Variants in ERCC2 observed in about 807,000 individuals in gnomAD.
ERCC2 encodes the protein general transcription and DNA repair factor IIH helicase subunit XPD.
ERCC2 carries 90 observed loss-of-function variants against 99.4 expected under a neutral mutation model. The observed-to-expected ratio is 0.91, with a 90% CI of 0.76 to 1.08. The LOEUF (loss-of-function observed/expected upper bound fraction) is 1.08. ERCC2 is among the 50% of genes least tolerant of loss of function. The pLI, the probability that ERCC2 is intolerant of heterozygous loss-of-function variation, is 0.00. For synonymous variants in ERCC2, 497 were observed against 432.4 expected, an observed-to-expected ratio of 1.15 and a Z score of -1.85; for missense variants, 993 against 1,038.1, an observed-to-expected ratio of 0.96 and a Z score of 0.60.
intron 15 of ERCC2, among the ~76,000 whole-genome samples, chr19:45,356,493 C>CTAA (rs1176459791): frequency 6.6e-6 from 1 of 152,182 alleles, no homozygotes; most frequent in Non-Finnish European, 1.5e-5. Context: ...GGCCTTGTCT[C>CTAA]TAAAGGCTGG....
Position 45,352,804 on chromosome 19 carries a change from C to T in ERCC2, c.1844G>A (p.Gly615Glu). ...SEGIDFVHHY[G>E]RAVIMFGVPY... is the part of the protein sequence containing the mutation. ...GACGCCAAACATGATGACGGCCCGC[C>T]CGTAGTGGTGCACTGGTGGGCAGAG... Residue 615 changes from glycine (G) to glutamate (E), a missense_variant, in exon 20 of 23, where the codon GGG (glycine) becomes GAG (glutamate). Gly to Glu is a moderately conservative substitution (Grantham distance 98). Transcript: ENST00000391945. 6.2e-7 allele frequency: 1 copy of T among 1,613,610 alleles called. No individual in the cohort carries two copies. Among genetic ancestry groups the T allele is most frequent in the South Asian group, 1.1e-5 (1 of 91,074 alleles).
rs140107928 is a variant in ERCC2, at chr19:45,368,803, C to T, written c.247-60G>A. On this transcript the variant is annotated intron_variant, in intron 4 of 22. Transcript: ENST00000391945. ...CTCATTGGAGGCACAAACCCCTGCC[C>T]TGCCAGGTCCCAGTCTCTTCCCCAG... 4 of 1,553,148 alleles carry T rather than the reference C, an allele frequency of 2.6e-6. No individual in the cohort carries two copies. The African/African-American group carries it at 4.1e-5, about 16-fold the overall frequency.
chr19:45,359,467 C>G (rs750006309), intron 12 of ERCC2, among the ~76,000 whole-genome samples: 6 of 152,150 alleles, frequency 3.9e-5, no homozygotes, highest in Admixed American at 6.5e-5. Context: ...GGAGAAACCC[C>G]CAGGAGGCAG....
At chr19:45,352,180 G>C (rs1338191481) in intron 22 of ERCC2, 29 bp downstream of exon 22, 6 of 1,611,806 alleles carry the variant, frequency 3.7e-6, no homozygotes, top group Non-Finnish European at 4.2e-6. Flanking sequence ...CAGCCTGGGA[G>C]GGTGCCGGGA....
In ERCC2 at chr19:45,352,444, C is replaced by A. The variant is rs1437389162; in HGVS notation, c.2046+62G>T. On this transcript the variant is annotated intron_variant, in intron 21 of 22. Coordinates refer to ENST00000391945, the MANE Select transcript of ERCC2 (RefSeq NM_000400.4). ...CAACCCACCCCACCTGGGAAATGAA[C>A]GGGAAACAGCCTGGTTCTTGGAGCC... The A allele has an allele frequency of 1.9e-6, 3 of 1,613,776 alleles. No homozygotes were observed. The African/African-American group carries it at 4.0e-5, about 22-fold the overall frequency.
chr19:45,352,391 C>G (rs188548445), intron 21 of ERCC2, 39 bp from the exon 22 acceptor site: 9 of 1,613,586 alleles, frequency 5.6e-6, no homozygotes, highest in East Asian at 4.5e-5. Flanking sequence ...GAAGGTCATT[C>G]GGGGAGCCTG....
At chr19:45,367,109 C>T (rs1043643867) in intron 5 of ERCC2, among the ~76,000 whole-genome samples, 2 of 152,056 alleles carry the variant, frequency 1.3e-5, no homozygotes, top group South Asian at 2.1e-4. Flanking sequence ...GAGGCTGAGG[C>T]GGGAGGATCA....
chr19:45,358,731 C>T lies in ERCC2; in HGVS notation c.1238-1032G>A, dbSNP rs775407565. The T allele has an allele frequency of 2.0e-4, 145 of 713,544 alleles. 1 individual carries two copies. The highest frequency in any genetic ancestry group is 8.4e-4 in the Middle Eastern group (3 of 3,584). 44.2% of individuals were successfully genotyped at this position (713,544 alleles called of 1,614,324 possible). A position where few individuals can be genotyped will look rare whatever the true frequency, so the allele number is the denominator to read the frequency against. ...AGGCCCTCCCCAGCCACCTTTTCTACGCAGACATATTCCAACACAACAATG... is the reference window on the plus strand; with the variant it reads ...AGGCCCTCCCCAGCCACCTTTTCTATGCAGACATATTCCAACACAACAATG... On this transcript the variant is annotated intron_variant, in intron 12 of 22. Coordinates refer to ENST00000391945, the MANE Select transcript of ERCC2 (RefSeq NM_000400.4).
intron 4 of ERCC2, 45 bp downstream of exon 4, chr19:45,368,885 C>T: frequency 6.2e-7 from 1 of 1,607,690 alleles, no homozygotes; most frequent in Non-Finnish European, 8.5e-7. Context: ...CCAATAGGGC[C>T]TAGGGAACAG....
intron 19 of ERCC2, 72 bp from the exon 20 acceptor site, chr19:45,352,888 C>A: frequency 1.4e-6 from 2 of 1,438,360 alleles, no homozygotes; most frequent in Non-Finnish European, 1.9e-6. Context: ...CCTCACGCGA[C>A]CCAGGATGCT....
intron 17 of ERCC2, among the ~76,000 whole-genome samples, chr19:45,353,625 G>A (rs1388904503): frequency 6.6e-6 from 1 of 152,204 alleles, no homozygotes; most frequent in African/African-American, 2.4e-5. Flanking sequence ...CTGTGAGGCA[G>A]GCAGAGCCAA....
Position 45,351,205 on chromosome 19 carries a change from C to A in ERCC2, c.*424G>T. 6.3e-7 allele frequency: 1 copy of A among 1,586,064 alleles called. No individual in the cohort carries two copies. Among genetic ancestry groups the A allele is most frequent in the Non-Finnish European group, 8.6e-7 (1 of 1,165,366 alleles). The stretch of plus-strand genomic sequence containing the variant: ...GCGAGGGGGTTGGATAGTTGGCTGC[C>A]AGGCTGGACCTGGAGCTGGAGGGTG... On this transcript the variant is annotated 3_prime_UTR_variant, in exon 23 of 23. Coordinates refer to ENST00000391945, the MANE Select transcript of ERCC2 (RefSeq NM_000400.4).
chr19:45,370,441 T>TC, intron 1 of ERCC2, 95 bp downstream of exon 1: 2 of 491,002 alleles, frequency 4.1e-6, no homozygotes, highest in Admixed American at 1.2e-4. Context: ...CACCCTCCCC[T>TC]CGCCCCCTTG....
Position 45,363,765 on chromosome 19 carries a change from A to T in ERCC2, c.1096T>A (p.Cys366Ser). 6.5e-7 allele frequency: 1 copy of T among 1,536,384 alleles called. No individual in the cohort carries two copies. Among genetic ancestry groups the T allele is most frequent in the Non-Finnish European group, 8.7e-7 (1 of 1,147,664 alleles). Reference sequence around the variant, plus strand: ...CACCTGAGGGGCTTGCGCTGGATGCACACGCGCTGGGCCAGGCCGCTCAGG... The same window carrying T: ...CACCTGAGGGGCTTGCGCTGGATGCTCACGCGCTGGGCCAGGCCGCTCAGG... ...AFLSGLAQRV[C>S]IQRKPLRFCA... Residue 366 changes from cysteine to serine, a missense_variant, in exon 11 of 23, where the codon TGC becomes AGC. This residue lies in a region of ERCC2 where 909 missense variants were observed against 930.8 expected (regional missense o/e 0.98). Coordinates refer to ENST00000391945, the MANE Select transcript of ERCC2 (RefSeq NM_000400.4).
rs1289874405 is a variant in ERCC2, at chr19:45,350,252, G to A, written c.*1377C>T. The A allele has an allele frequency of 1.1e-5, 10 of 941,980 alleles. No homozygotes were observed. Among genetic ancestry groups the A allele is most frequent in the East Asian group, 1.0e-4 (4 of 39,924 alleles). The allele number at this position is 941,980 out of a possible 1,614,324, so 58.4% of individuals were successfully genotyped here. Reference sequence around the variant, plus strand: ...GCCTGGGCAACATACCAAGACCCCTGTCTCTACAAAAAAAAAAAAAAAGGC... The same window carrying A: ...GCCTGGGCAACATACCAAGACCCCTATCTCTACAAAAAAAAAAAAAAAGGC... On this transcript the variant is annotated 3_prime_UTR_variant, in exon 23 of 23. Transcript: ENST00000391945.
At chr19:45,352,971 G>T in intron 19 of ERCC2, 112 bp downstream of exon 19, 1 of 1,283,662 alleles carries the variant, frequency 7.8e-7, no homozygotes, top group Non-Finnish European at 1.1e-6. Flanking sequence ...GGGCCCCTCT[G>T]TGCACCTAGG....
Position 45,350,319 on chromosome 19 carries a change from C to T in ERCC2, c.*1310G>A, listed in dbSNP as rs376197962. On this transcript the variant is annotated 3_prime_UTR_variant, in exon 23 of 23. Transcript: ENST00000391945. ...TTGGGAACTGGGGTCCGAAAAGTTC[C>T]CAGACACTCCCTTCTCCGCAGGCCT... is the stretch of plus-strand genomic sequence containing the variant. 517 of 1,609,240 alleles carry T rather than the reference C, an allele frequency of 3.2e-4. 3 individuals are homozygous for T. The African/African-American group carries it at 6.4e-3, about 20-fold the overall frequency.
chr19:45,356,212 C>G (rs752530573), intron 15 of ERCC2, among the ~76,000 whole-genome samples: 1 of 152,316 alleles, frequency 6.6e-6, no homozygotes, highest in Middle Eastern at 3.4e-3. Context: ...TCCCACCAGC[C>G]GGCAACCTCA....
rs1971636815 is a variant in ERCC2, at chr19:45,349,931, G to A, written c.*1698C>T. The A allele has an allele frequency of 2.4e-6, 1 of 421,018 alleles. No homozygotes were observed. The highest frequency in any genetic ancestry group is 4.3e-6 in the Non-Finnish European group (1 of 234,266). 26.1% of individuals were successfully genotyped at this position (421,018 alleles called of 1,614,324 possible). On this transcript the variant is annotated 3_prime_UTR_variant, in exon 23 of 23. Coordinates refer to ENST00000391945, the MANE Select transcript of ERCC2 (RefSeq NM_000400.4). Reference sequence around the variant, plus strand: ...GTTCTTATAGCGTCCCTATGAGGTGGGAGCTGTCGCTCCACTTTGCGTGTG... The same window carrying A: ...GTTCTTATAGCGTCCCTATGAGGTGAGAGCTGTCGCTCCACTTTGCGTGTG...
Sources: gnomAD v4.1 joint callset for allele counts (sites outside exome capture counted in the v4.1 genomes callset) on GRCh38, gnomAD v4.1.1 for gene constraint, gnomAD v4.1.1 regional missense constraint, MANE v1.5 for transcripts, NCBI Gene and HGNC (gene_info 2026-07-23, HGNC 2026-07-21) for gene names.